PAK1: variants seen among roughly 807,000 people sequenced by gnomAD.
PAK1 encodes serine/threonine-protein kinase PAK 1.
Under a neutral mutation model 67.4 loss-of-function variants are expected in PAK1, and 29 were observed. That is an observed-to-expected ratio of 0.43 (90% CI 0.32 to 0.59). The LOEUF (loss-of-function observed/expected upper bound fraction) is 0.59, where lower values mean the gene tolerates loss of function less well. PAK1 is among the 20% of genes least tolerant of loss of function. The pLI is 0.07. For missense variants in PAK1, 337 were observed against 670.7 expected (o/e 0.50, Z 5.50); for synonymous variants, 223 against 237.4 (o/e 0.94, Z 0.56).
chr11:77,349,377 G>C, intron 8 of PAK1, 90 bp from the exon 9 acceptor site: 1 of 978,342 alleles, frequency 1.0e-6, no homozygotes, highest in African/African-American at 1.6e-5. Flanking sequence ...CACAATCTGT[G>C]AGTGTCAAAA....
chr11:77,328,456 A>T (rs1408310881), intron 14 of PAK1, among the ~76,000 whole-genome samples: 1 of 152,218 alleles, frequency 6.6e-6, no homozygotes, highest in Admixed American at 6.5e-5. Context: ...CAGTGCAATC[A>T]AACTAGAACT....
intron 11 of PAK1, among the ~76,000 whole-genome samples, 192 bp from the exon 12 acceptor site, chr11:77,337,615 A>G (rs1404718180): frequency 6.6e-6 from 1 of 152,212 alleles, no homozygotes; most frequent in African/African-American, 2.4e-5. Flanking sequence ...CTAGCTAAAC[A>G]TTCTTTTAAC....
chr11:77,346,484 T>C (rs138304331), intron 9 of PAK1, among the ~76,000 whole-genome samples: 1 of 152,346 alleles, frequency 6.6e-6, no homozygotes, highest in African/African-American at 2.4e-5. Context: ...ACATTGAAGA[T>C]AATCTCAACC....
At chr11:77,434,584 A>G (rs183986298) in intron 1 of PAK1, among the ~76,000 whole-genome samples, 2 of 152,086 alleles carry the variant, frequency 1.3e-5, no homozygotes, top group African/African-American at 4.8e-5. Context: ...AGTAGCTGAA[A>G]CCACAGGGAG....
chr11:77,394,338 T>C (rs890064852), intron 1 of PAK1, among the ~76,000 whole-genome samples: 2 of 152,222 alleles, frequency 1.3e-5, no homozygotes, highest in African/African-American at 4.8e-5. Flanking sequence ...AAGACCTAAT[T>C]CTGTATTTTG....
At chr11:77,482,423 T>C in the PAK1 span, among the ~76,000 whole-genome samples, 2 of 152,208 alleles carry the variant, frequency 1.3e-5, no homozygotes, top group African/African-American at 4.8e-5. Context: ...TTAAAAAAGA[T>C]ATATATAAAT....
the PAK1 span, among the ~76,000 whole-genome samples, chr11:77,508,042 C>A: frequency 2.0e-5 from 3 of 152,294 alleles, no homozygotes; most frequent in East Asian, 1.9e-4. Flanking sequence ...GCTTCTATAA[C>A]CTTCTTTCAG....
the PAK1 span, among the ~76,000 whole-genome samples, chr11:77,516,720 A>G: frequency 6.6e-6 from 1 of 151,876 alleles, no homozygotes; most frequent in Non-Finnish European, 1.5e-5. Context: ...ACTAACTACA[A>G]AGTCTAGGCA....
chr11:77,370,134 T>G (rs1465770587), intron 5 of PAK1, among the ~76,000 whole-genome samples: 1 of 152,188 alleles, frequency 6.6e-6, no homozygotes, highest in Non-Finnish European at 1.5e-5. Context: ...TATTGGCAAG[T>G]GTTACTTTAG....
chr11:77,458,105 T>C (rs572785901), intron 1 of PAK1, among the ~76,000 whole-genome samples: 6 of 152,332 alleles, frequency 3.9e-5, no homozygotes, highest in African/African-American at 1.4e-4. Context: ...TGAGGATAAC[T>C]ACTATCCAAA....
chr11:77,498,333 A>C, the PAK1 span, among the ~76,000 whole-genome samples: 1 of 152,196 alleles, frequency 6.6e-6, no homozygotes, highest in Admixed American at 6.5e-5. Context: ...ACAAAACAAA[A>C]ATTTCCAGTC....
intron 1 of PAK1, 42 bp from the exon 2 acceptor site, chr11:77,392,583 T>C: frequency 6.9e-7 from 1 of 1,456,796 alleles, no homozygotes. Context: ...TTTATTATTT[T>C]TGACCAAAAG....
At chr11:77,501,063 A>C in the PAK1 span, among the ~76,000 whole-genome samples, 1 of 151,964 alleles carries the variant, frequency 6.6e-6, no homozygotes, top group Non-Finnish European at 1.5e-5. Context: ...AGGCAGGAGA[A>C]TCGCTTGAAC....
chr11:77,504,495 G>C, the PAK1 span, among the ~76,000 whole-genome samples: 3 of 152,156 alleles, frequency 2.0e-5, no homozygotes, highest in East Asian at 5.8e-4. Context: ...TGATAAGTTT[G>C]AATATTCTTC....
chr11:77,337,180 G>T, intron 12 of PAK1, 144 bp downstream of exon 12: 1 of 492,126 alleles, frequency 2.0e-6, no homozygotes, highest in Non-Finnish European at 3.7e-6. Flanking sequence ...GATTAATACA[G>T]AAAATATAAA....
At chr11:77,488,756 G>T in the PAK1 span, among the ~76,000 whole-genome samples, 2 of 151,550 alleles carry the variant, frequency 1.3e-5, no homozygotes, top group Middle Eastern at 3.4e-3. Flanking sequence ...GGAGACAAAA[G>T]AAAAAAGAAT....
At chr11:77,477,964 G>A (rs114755184), upstream of PAK1, among the ~76,000 whole-genome samples, 2,892 of 152,276 alleles carry the variant, frequency 0.019, 89 homozygotes, top group African/African-American at 0.067. Flanking sequence ...AATTTTTCCA[G>A]TTCAGGGTTG....
At chr11:77,351,231 TA>T (rs1424478381) in intron 8 of PAK1, among the ~76,000 whole-genome samples, 1 of 151,648 alleles carries the variant, frequency 6.6e-6, no homozygotes, top group Non-Finnish European at 1.5e-5. Context: ...CCCTTAGCAC[TA>T]ACAGACCTGT....
chr11:77,441,821 T>C (rs960273611), intron 1 of PAK1, among the ~76,000 whole-genome samples: 2 of 152,226 alleles, frequency 1.3e-5, no homozygotes, highest in Admixed American at 6.5e-5. Context: ...CACAGTTTCA[T>C]CAGCTAATTT....
Sources: allele counts gnomAD v4.1 joint callset (sites outside exome capture counted in the v4.1 genomes callset), GRCh38; gene constraint gnomAD v4.1.1; transcripts MANE v1.5; gene names NCBI Gene and HGNC (gene_info 2026-07-23, HGNC 2026-07-21).